Variants in ARHGAP26 observed in about 807,000 individuals in gnomAD.
ARHGAP26 encodes Rho GTPase activating protein 26, also known as rho GTPase-activating protein 26.
ARHGAP26 carries 38 observed loss-of-function variants against 104.8 expected under a neutral mutation model. That is an observed-to-expected ratio of 0.36 (90% CI 0.28 to 0.48). The LOEUF (loss-of-function observed/expected upper bound fraction) is 0.48. ARHGAP26 is among the 20% of genes least tolerant of loss of function. ARHGAP26 has a pLI of 0.99. For synonymous variants in ARHGAP26, 341 were observed against 340.0 expected, an observed-to-expected ratio of 1.00 and a Z score of -0.03; for missense variants, 704 against 947.9, an observed-to-expected ratio of 0.74 and a Z score of 3.38.
At chr5:143,062,858 G>C (rs946849600) in intron 17 of ARHGAP26, among the ~76,000 whole-genome samples, 5 of 152,138 alleles carry the variant, frequency 3.3e-5, no homozygotes, top group African/African-American at 1.2e-4. Context: ...TTACCAATGA[G>C]CTGTTAAACA....
At chr5:142,922,116 AATAAAG>A (rs1763275334) in intron 10 of ARHGAP26, 1 of 152,206 alleles carries the variant, frequency 6.6e-6, no homozygotes, top group African/African-American at 2.4e-5. Flanking sequence ...ACATGCTTCA[AATAAAG>A]ATAAAGTGTT....
intron 12 of ARHGAP26, among the ~76,000 whole-genome samples, chr5:143,035,935 C>CAA (rs10713064): frequency 3.0e-3 from 235 of 77,678 alleles, no homozygotes; most frequent in Middle Eastern, 7.4e-3. Flanking sequence ...GACCTTGTCT[C>CAA]AAAAAAAAAA....
chr5:143,184,901 G>T (rs1350411804), intron 20 of ARHGAP26, among the ~76,000 whole-genome samples: 1 of 152,186 alleles, frequency 6.6e-6, no homozygotes, highest in African/African-American at 2.4e-5. Context: ...GGCAATACGT[G>T]TTGTAAGCCT....
chr5:142,882,149 ACTGT>A (rs976442213), intron 4 of ARHGAP26, among the ~76,000 whole-genome samples: 2 of 152,200 alleles, frequency 1.3e-5, no homozygotes, highest in Non-Finnish European at 2.9e-5. Flanking sequence ...CTACAGCTAG[ACTGT>A]CTGAATCCAA....
chr5:143,163,355 T>C (rs1801502117), intron 20 of ARHGAP26, among the ~76,000 whole-genome samples: 1 of 152,220 alleles, frequency 6.6e-6, no homozygotes, highest in Non-Finnish European at 1.5e-5. Flanking sequence ...TAGTTCGTTT[T>C]CTAGATCTGC....
At chr5:143,039,213 T>A (rs1783089654) in intron 13 of ARHGAP26, among the ~76,000 whole-genome samples, 1 of 152,100 alleles carries the variant, frequency 6.6e-6, no homozygotes, top group South Asian at 2.1e-4. Flanking sequence ...TTCTTTTTTC[T>A]TTTTCTTTGG....
intron 11 of ARHGAP26, among the ~76,000 whole-genome samples, chr5:142,979,090 T>C (rs1192957051): frequency 1.3e-5 from 2 of 152,216 alleles, no homozygotes; most frequent in Non-Finnish European, 2.9e-5. Context: ...TATGGAAATC[T>C]CAATGTGGGC....
intron 20 of ARHGAP26, among the ~76,000 whole-genome samples, chr5:143,156,752 G>A (rs976995368): frequency 6.6e-6 from 1 of 152,152 alleles, no homozygotes; most frequent in Admixed American, 6.5e-5. Flanking sequence ...ACAGTACTGG[G>A]GCTTAACTGA....
At chr5:142,867,007 C>G (rs1380510446) in intron 1 of ARHGAP26, 1 of 152,186 alleles carries the variant, frequency 6.6e-6, no homozygotes. Flanking sequence ...AGCACTTCTT[C>G]CAATGTGGAA....
chr5:142,926,055 G>A (rs1763856954), intron 10 of ARHGAP26, among the ~76,000 whole-genome samples: 1 of 152,280 alleles, frequency 6.6e-6, no homozygotes, highest in African/African-American at 2.4e-5. Flanking sequence ...GAAAGCTGTC[G>A]AGTAACCCTG....
At chr5:142,941,641 G>T (rs1444953601) in intron 11 of ARHGAP26, among the ~76,000 whole-genome samples, 1 of 152,190 alleles carries the variant, frequency 6.6e-6, no homozygotes, top group East Asian at 1.9e-4. Context: ...ATGCACTGAA[G>T]TCTTACATTT....
chr5:142,846,341 C>T (rs1195645860), intron 1 of ARHGAP26, among the ~76,000 whole-genome samples: 2 of 152,164 alleles, frequency 1.3e-5, no homozygotes, highest in African/African-American at 4.8e-5. Context: ...GAGGAGGAGT[C>T]ACCAGTGCAT....
intron 17 of ARHGAP26, among the ~76,000 whole-genome samples, chr5:143,106,976 T>A (rs1794114112): frequency 6.6e-6 from 1 of 152,206 alleles, no homozygotes; most frequent in Non-Finnish European, 1.5e-5. Flanking sequence ...AAGTTGGTCC[T>A]CTTAGGTTTT....
At chr5:143,053,976 A>T (rs1785415661) in intron 14 of ARHGAP26, among the ~76,000 whole-genome samples, 1 of 152,170 alleles carries the variant, frequency 6.6e-6, no homozygotes, top group Admixed American at 6.5e-5. Context: ...TAATTCACTT[A>T]ATCATTCTTC....
chr5:142,967,992 G>C (rs1026247273), intron 11 of ARHGAP26, among the ~76,000 whole-genome samples: 1 of 152,190 alleles, frequency 6.6e-6, no homozygotes, highest in South Asian at 2.1e-4. Flanking sequence ...GCTTGTACTC[G>C]GAATTGTTTT....
In ARHGAP26 at chr5:142,871,938, G is replaced by A. The variant is rs1427234326; in HGVS notation, c.155-1462G>A. On this transcript the variant is annotated intron_variant, in intron 1 of 22. Transcript: ENST00000645722. This position sits in a 1 kb window ranked among gnomAD's most constrained non-coding sequence, Gnocchi z 4.1. ...TAGAGCAGAGCGCTTTGGACAAACCGCAGCTATCTCGGGACCGTGTCATCA... is the reference window on the plus strand; with the variant it reads ...TAGAGCAGAGCGCTTTGGACAAACCACAGCTATCTCGGGACCGTGTCATCA... Among the ~76,000 whole-genome samples the A allele has an allele frequency of 3.9e-5, 6 of 152,164 alleles. No individual in the cohort carries two copies. The highest frequency in any genetic ancestry group is 1.3e-4 in the Admixed American group (2 of 15,280).
intron 1 of ARHGAP26, among the ~76,000 whole-genome samples, chr5:142,818,314 G>A (rs574633021): frequency 1.3e-5 from 2 of 151,628 alleles, no homozygotes; most frequent in South Asian, 2.1e-4. Context: ...GCCATGCCCC[G>A]GTCAGGTGGC....
At chr5:143,015,149 C>CA (rs1157178815) in intron 12 of ARHGAP26, among the ~76,000 whole-genome samples, 1 of 151,956 alleles carries the variant, frequency 6.6e-6, no homozygotes. Context: ...TGTTCCCCTC[C>CA]ACCTCCAAAA....
intron 11 of ARHGAP26, among the ~76,000 whole-genome samples, chr5:142,997,287 G>A (rs977978275): frequency 6.3e-4 from 96 of 152,028 alleles, no homozygotes; most frequent in African/African-American, 2.3e-3. Context: ...TGTAGGCATG[G>A]GTAGAGTGGT....
Sources: gnomAD v4.1 joint callset for allele counts (sites outside exome capture counted in the v4.1 genomes callset) on GRCh38, gnomAD v4.1.1 for gene constraint, Gnocchi (gnomAD v3.1) non-coding constraint, MANE v1.5 for transcripts, NCBI Gene and HGNC (gene_info 2026-07-23, HGNC 2026-07-21) for gene names.